The following KIF26B variants were observed in gnomAD, a reference collection of about 807,000 sequenced individuals.
KIF26B encodes the protein kinesin-like protein KIF26B.
A neutral mutation model predicts 151.2 loss-of-function variants in KIF26B; 63 were observed. The observed-to-expected ratio is 0.42, with a 90% confidence interval of 0.34 to 0.51. The LOEUF is 0.51. KIF26B is among the 20% of genes least tolerant of loss of function. The pLI, the probability that KIF26B is intolerant of heterozygous loss-of-function variation, is 0.07. For synonymous variants in KIF26B, 1,357 were observed against 1,262.1 expected (o/e 1.08, Z -1.59); for missense variants, 2,813 against 2,913.6 (o/e 0.97, Z 0.79).
intron 3 of KIF26B, among the ~76,000 whole-genome samples, chr1:245,401,924 A>C (rs375186980): frequency 8.6e-5 from 13 of 151,818 alleles, no homozygotes; most frequent in South Asian, 2.1e-4. Context: ...ACCAAAAAAA[A>C]CCCCCGAAAC....
chr1:245,531,493 G>A (rs1371306437), intron 4 of KIF26B, among the ~76,000 whole-genome samples: 1 of 152,128 alleles, frequency 6.6e-6, no homozygotes, highest in Non-Finnish European at 1.5e-5. Flanking sequence ...AAGGATGGAT[G>A]TGATGATGTA....
chr1:245,337,150 A>G (rs1467334393), intron 2 of KIF26B, among the ~76,000 whole-genome samples: 1 of 90,460 alleles, frequency 1.1e-5, no homozygotes, highest in African/African-American at 8.3e-5. Flanking sequence ...TTATTTATTT[A>G]TTTATTTATT....
Position 245,526,376 on chromosome 1 carries a change from G to A in KIF26B, c.1167-14391G>A, listed in dbSNP as rs1280918359. On this transcript the variant is annotated intron_variant, in intron 4 of 14. Transcript: ENST00000407071. ...TCTAAACATCTGCCCAGGTCTTGGT[G>A]CAGTCCAGCTTTTCAGCAGAGTCAA... 2.0e-5 allele frequency among the ~76,000 whole-genome samples: 3 copies of A among 152,192 alleles called. 1 individual carries two copies. Among genetic ancestry groups the A allele is most frequent in the Non-Finnish European group, 1.5e-5 (1 of 68,026 alleles).
At chr1:245,562,596 CT>C (rs906436509) in intron 5 of KIF26B, among the ~76,000 whole-genome samples, 3 of 150,682 alleles carry the variant, frequency 2.0e-5, no homozygotes, top group African/African-American at 4.8e-5. Context: ...CCGCCCCCCC[CT>C]TCCCCCATGC....
intron 3 of KIF26B, among the ~76,000 whole-genome samples, chr1:245,412,637 G>C (rs992739528): frequency 2.6e-5 from 4 of 152,194 alleles, no homozygotes; most frequent in African/African-American, 9.7e-5. Context: ...TCTTGATTCT[G>C]TGGTCAAGAT....
In KIF26B at chr1:245,167,588, G is replaced by A. The variant is rs1668635325; in HGVS notation, c.465+10905G>A. 6.6e-6 allele frequency among the ~76,000 whole-genome samples: 1 copy of A among 152,030 alleles called. No individual in the cohort carries two copies. Among genetic ancestry groups the A allele is most frequent in the Admixed American group, 6.6e-5 (1 of 15,264 alleles). On this transcript the variant is annotated intron_variant, in intron 2 of 14. Transcript: ENST00000407071. The surrounding 1 kb of genome is among the most constrained non-coding windows in gnomAD (Gnocchi z 4.2). ...ATAACAACCAGCACCAAAAGCTGTC[G>A]AGCTATCTAACCAAATGGTTGTACA...
intron 9 of KIF26B, among the ~76,000 whole-genome samples, chr1:245,636,394 T>G (rs2043834530): frequency 6.6e-6 from 1 of 152,030 alleles, no homozygotes; most frequent in Non-Finnish European, 1.5e-5. Context: ...TTCAGTCTTT[T>G]TTGGCATTTT....
intron 5 of KIF26B, among the ~76,000 whole-genome samples, chr1:245,599,963 T>C (rs1248426175): frequency 6.6e-6 from 1 of 151,954 alleles, no homozygotes; most frequent in East Asian, 2.0e-4. Context: ...GCTCTGTCTG[T>C]CGGGAATCCC....
chr1:245,416,458 T>C (rs1674422817), intron 3 of KIF26B, among the ~76,000 whole-genome samples: 1 of 152,198 alleles, frequency 6.6e-6, no homozygotes, highest in Non-Finnish European at 1.5e-5. Context: ...GTGCCAGCCA[T>C]TGTATTGACC....
At chr1:245,308,697 C>T in intron 2 of KIF26B, among the ~76,000 whole-genome samples, 1 of 152,094 alleles carries the variant, frequency 6.6e-6, no homozygotes, top group East Asian at 1.9e-4. Flanking sequence ...GTGATTGCAC[C>T]ACTTCACCCT....
At position 245,698,210 on chromosome 1, in the gene KIF26B, C is replaced by T. The variant is rs145035793; in HGVS notation, c.5929C>T (p.Arg1977Trp). Residue 1977 changes from arginine (R) to tryptophan (W), a missense_variant, in exon 13 of 15, where the codon CGG (arginine) becomes TGG (tryptophan). Around this residue, in one of 3 missense-constraint regions of KIF26B, gnomAD observed 2,060 missense variants for 2,088.6 expected, o/e 0.99. Transcript: ENST00000407071. The surrounding 1 kb of genome is among the most constrained non-coding windows in gnomAD (Gnocchi z 4.0). The stretch of plus-strand genomic sequence containing the variant: ...CGTCCGCTGGGTGGATGGCCCCTTG[C>T]GGAGCAGCCCGAGGGGCCTTGGGGA... ...TGVRWVDGPL[R>W]SSPRGLGEPF... The T allele has an allele frequency of 4.2e-4, 674 of 1,613,938 alleles. 5 individuals carry two copies. In the African/African-American group the frequency reaches 7.4e-3, roughly 18 times the overall value.
chr1:245,328,457 G>A (rs74153531), intron 2 of KIF26B, among the ~76,000 whole-genome samples: 3 of 152,106 alleles, frequency 2.0e-5, no homozygotes, highest in African/African-American at 7.2e-5. Context: ...AGTTTTACTT[G>A]TTAGTTACCC....
At chr1:245,319,269 A>C (rs1053516204) in intron 2 of KIF26B, among the ~76,000 whole-genome samples, 7 of 152,222 alleles carry the variant, frequency 4.6e-5, no homozygotes, top group African/African-American at 1.7e-4. Context: ...TGACTTTGAG[A>C]CTTTTCACAG....
intron 2 of KIF26B, among the ~76,000 whole-genome samples, chr1:245,343,978 C>T (rs1356410641): frequency 6.6e-6 from 1 of 152,166 alleles, no homozygotes; most frequent in Non-Finnish European, 1.5e-5. Flanking sequence ...TTAGCAGAAT[C>T]TCTGGGCTTT....
rs752926092 is a variant in KIF26B, at chr1:245,698,264, G to A, written c.5983G>A (p.Asp1995Asn). ...EPFEIKVYEI[D>N]DVERLQRRRG... ...CTTTGAGATTAAAGTCTATGAAATC[G>A]ATGACGTGGAGCGCCTGCAGCGGCG... The change falls in exon 13 of 15, where the codon GAT becomes AAT. Residue 1995 changes from aspartate to asparagine, a missense_variant. This residue lies in a region of KIF26B where 2,060 missense variants were observed against 2,088.6 expected (regional missense o/e 0.99). Coordinates refer to ENST00000407071, the MANE Select transcript of KIF26B (RefSeq NM_018012.4). The surrounding 1 kb of genome is among the most constrained non-coding windows in gnomAD (Gnocchi z 4.0). 17 of 1,613,792 alleles carry A rather than the reference G, an allele frequency of 1.1e-5. No individual in the cohort carries two copies. The South Asian group carries it at 1.1e-4, about 10-fold the overall frequency.
At chr1:245,213,765 G>A (rs925306826) in intron 2 of KIF26B, among the ~76,000 whole-genome samples, 1 of 152,204 alleles carries the variant, frequency 6.6e-6, no homozygotes, top group Non-Finnish European at 1.5e-5. Flanking sequence ...CCTTATTTAG[G>A]TGATGAAAGA....
At chr1:245,549,896 T>A (rs1295752126) in intron 5 of KIF26B, among the ~76,000 whole-genome samples, 1 of 152,144 alleles carries the variant, frequency 6.6e-6, no homozygotes, top group Non-Finnish European at 1.5e-5. Flanking sequence ...TTCTCCTGCC[T>A]CAGCCTCCCA....
At chr1:245,435,411 AG>A (rs1161505369) in intron 4 of KIF26B, among the ~76,000 whole-genome samples, 1 of 152,152 alleles carries the variant, frequency 6.6e-6, no homozygotes, top group African/African-American at 2.4e-5. Context: ...TAAAAATTAA[AG>A]GTGGCTTTCC....
intron 5 of KIF26B, among the ~76,000 whole-genome samples, chr1:245,552,845 C>T (rs1458272164): frequency 6.6e-6 from 1 of 152,148 alleles, no homozygotes; most frequent in Non-Finnish European, 1.5e-5. Context: ...AGTGATCCAC[C>T]TGCCTTGGCC....
Sources: allele counts gnomAD v4.1 joint callset (sites outside exome capture counted in the v4.1 genomes callset), GRCh38; gene constraint gnomAD v4.1.1; regional missense constraint gnomAD v4.1.1; non-coding constraint Gnocchi (gnomAD v3.1); transcripts MANE v1.5; gene names NCBI Gene and HGNC (gene_info 2026-07-23, HGNC 2026-07-21).